The following NRXN1 variants were observed in gnomAD, a reference collection of about 807,000 sequenced individuals.
NRXN1 encodes neurexin-1.
NRXN1 carries 39 observed loss-of-function variants against 150.9 expected under a neutral mutation model. The observed-to-expected ratio is 0.26, with a 90% CI of 0.20 to 0.34. The LOEUF (loss-of-function observed/expected upper bound fraction) is 0.34. NRXN1 is among the 10% of genes least tolerant of loss of function. NRXN1 has a pLI of 1.00. For synonymous variants in NRXN1, 924 were observed against 757.0 expected (o/e 1.22, Z -3.62); for missense variants, 1,815 against 1,949.9 (o/e 0.93, Z 1.30).
At chr2:50,065,238 T>G (rs1416968860) in intron 19 of NRXN1, among the ~76,000 whole-genome samples, 1 of 152,174 alleles carries the variant, frequency 6.6e-6, no homozygotes, top group Non-Finnish European at 1.5e-5. Context: ...AAGTACCTTT[T>G]ATTTTACTGA....
chr2:50,642,013 T>C (rs559826131), intron 5 of NRXN1, among the ~76,000 whole-genome samples: 2 of 152,164 alleles, frequency 1.3e-5, no homozygotes, highest in Non-Finnish European at 2.9e-5. Context: ...TATAGATATA[T>C]GATGGACAGA....
chr2:50,523,423 C>T (rs908792033), intron 12 of NRXN1, among the ~76,000 whole-genome samples: 5 of 152,124 alleles, frequency 3.3e-5, no homozygotes, highest in Non-Finnish European at 5.9e-5. Flanking sequence ...TTTCTGCTCT[C>T]AGGCATCAAG....
intron 2 of NRXN1, among the ~76,000 whole-genome samples, chr2:50,950,223 A>G (rs1217748809): frequency 2.0e-5 from 3 of 152,182 alleles, no homozygotes; most frequent in Admixed American, 6.6e-5. Context: ...TCAAGGTATT[A>G]GCTTCATAAA....
chr2:50,168,831 A>C (rs892412795), intron 18 of NRXN1, among the ~76,000 whole-genome samples: 1 of 152,224 alleles, frequency 6.6e-6, no homozygotes, highest in Non-Finnish European at 1.5e-5. Context: ...AAGGCAGCTG[A>C]TGGTGATTTC....
Position 50,621,341 on chromosome 2 carries a change from T to C in NRXN1, c.1135-92A>G, listed in dbSNP as rs1573828337. The C allele has an allele frequency of 4.1e-6, 4 of 981,388 alleles. No individual in the cohort carries two copies. In the South Asian group the frequency reaches 4.6e-5, roughly 11 times the overall value. The allele number at this position is 981,388 out of a possible 1,614,324, so 60.8% of individuals were successfully genotyped here. On this transcript the variant is annotated intron_variant, in intron 6 of 22. Coordinates refer to ENST00000401669, the MANE Select transcript of NRXN1 (RefSeq NM_001330078.2). ...AATATGATGGTCTCTACCATGTTAG[T>C]ACATTTTTTGATTCAGGTAACGGTT...
At chr2:50,984,393 T>C (rs1253893173) in intron 2 of NRXN1, among the ~76,000 whole-genome samples, 1 of 151,768 alleles carries the variant, frequency 6.6e-6, no homozygotes, top group Admixed American at 6.6e-5. Context: ...TAACGAAGAG[T>C]GTATGCGGCC....
At chr2:50,323,001 G>A (rs1439509052) in intron 17 of NRXN1, among the ~76,000 whole-genome samples, 2 of 152,066 alleles carry the variant, frequency 1.3e-5, no homozygotes, top group Non-Finnish European at 2.9e-5. Flanking sequence ...GTATATATTA[G>A]AATTTAGTGG....
chr2:49,951,069 G>A (rs1335313826), intron 21 of NRXN1, among the ~76,000 whole-genome samples: 1 of 151,640 alleles, frequency 6.6e-6, no homozygotes, highest in Admixed American at 6.6e-5. Flanking sequence ...ACTCTGCCGT[G>A]GTAAAGAAAT....
chr2:50,399,749 A>G (rs1458857097), intron 17 of NRXN1, among the ~76,000 whole-genome samples: 4 of 122,556 alleles, frequency 3.3e-5, no homozygotes, highest in Non-Finnish European at 6.7e-5. Context: ...AAAAACTTAC[A>G]CTATTCCAAA....
At chr2:50,868,657 T>G (rs1677321434) in intron 5 of NRXN1, among the ~76,000 whole-genome samples, 1 of 151,912 alleles carries the variant, frequency 6.6e-6, no homozygotes, top group African/African-American at 2.4e-5. Context: ...AGAATTAAAA[T>G]TATTGTAGAC....
intron 17 of NRXN1, among the ~76,000 whole-genome samples, chr2:50,407,027 G>A (rs896852700): frequency 2.0e-5 from 3 of 152,082 alleles, no homozygotes; most frequent in Non-Finnish European, 4.4e-5. Flanking sequence ...CAGGAAAATT[G>A]AAAAGGAAGA....
At chr2:50,121,259 G>A (rs1703817133) in intron 18 of NRXN1, among the ~76,000 whole-genome samples, 1 of 152,164 alleles carries the variant, frequency 6.6e-6, no homozygotes, top group African/African-American at 2.4e-5. Flanking sequence ...CTGACCTTAA[G>A]ATCCGCCTGC....
chr2:50,982,928 C>T (rs1697068507), intron 2 of NRXN1, among the ~76,000 whole-genome samples: 1 of 151,880 alleles, frequency 6.6e-6, no homozygotes, highest in African/African-American at 2.4e-5. Context: ...AGTCATGAAC[C>T]ACTTGTACCC....
intron 2 of NRXN1, among the ~76,000 whole-genome samples, chr2:50,972,094 A>AAAT (rs1553442474): frequency 8.6e-5 from 13 of 151,842 alleles, no homozygotes; most frequent in African/African-American, 2.7e-4. Flanking sequence ...TCACAAAAAA[A>AAAT]AAAAATTATT....
At chr2:50,055,800 T>C (rs974300508) in intron 19 of NRXN1, among the ~76,000 whole-genome samples, 5 of 152,112 alleles carry the variant, frequency 3.3e-5, no homozygotes, top group African/African-American at 7.3e-5. Flanking sequence ...TGTTTTTATA[T>C]AGTCAAATAT....
intron 5 of NRXN1, among the ~76,000 whole-genome samples, chr2:50,674,321 T>C (rs1025711979): frequency 2.6e-5 from 4 of 151,958 alleles, no homozygotes; most frequent in African/African-American, 9.7e-5. Context: ...AAACTCCAAG[T>C]AGTCTGGACA....
At chr2:50,218,061 T>C (rs1016556350) in intron 18 of NRXN1, among the ~76,000 whole-genome samples, 1 of 152,054 alleles carries the variant, frequency 6.6e-6, no homozygotes, top group African/African-American at 2.4e-5. Context: ...GCAAAGGTGC[T>C]CCTGAGGCAT....
intron 2 of NRXN1, among the ~76,000 whole-genome samples, chr2:50,974,780 TGCC>T (rs1695564097): frequency 6.6e-6 from 1 of 152,062 alleles, no homozygotes; most frequent in African/African-American, 2.4e-5. Context: ...AAAACTACAG[TGCC>T]TAATAATTTG....
At chr2:49,942,663 G>T (rs1173792549) in intron 22 of NRXN1, among the ~76,000 whole-genome samples, 5 of 151,860 alleles carry the variant, frequency 3.3e-5, no homozygotes, top group Non-Finnish European at 5.9e-5. Flanking sequence ...AGGCTGAAGT[G>T]CAGTGGCGTG....
Sources: allele counts gnomAD v4.1 joint callset (sites outside exome capture counted in the v4.1 genomes callset), GRCh38; gene constraint gnomAD v4.1.1; transcripts MANE v1.5; gene names NCBI Gene and HGNC (gene_info 2026-07-23, HGNC 2026-07-21).